The following PCDHGA7 variants were observed in gnomAD, a reference collection of about 807,000 sequenced individuals.
PCDHGA7 encodes the protein protocadherin gamma subfamily A, 7.
In PCDHGA7, 44 loss-of-function variants were observed where a neutral mutation model predicts 58.3. The ratio of observed to expected loss-of-function variants is 0.75; its 90% CI spans 0.59 to 0.97. The LOEUF is 0.97. Among genes scored for constraint, PCDHGA7 ranks in the 50% least tolerant of loss-of-function variants. The pLI is 0.00. For missense variants in PCDHGA7, 1,266 were observed against 1,188.7 expected, an observed-to-expected ratio of 1.06 and a Z score of -0.96; for synonymous variants, 516 against 504.2, an observed-to-expected ratio of 1.02 and a Z score of -0.31.
chr5:141,449,944 T>C (rs1375717746), intron 1 of PCDHGA7, among the ~76,000 whole-genome samples: 1 of 151,744 alleles, frequency 6.6e-6, no homozygotes, highest in Non-Finnish European at 1.5e-5. Flanking sequence ...TATATTTTAC[T>C]ATACCTCATA....
chr5:141,423,514 G>T (rs1208270970), intron 1 of PCDHGA7: 2 of 1,613,812 alleles, frequency 1.2e-6, no homozygotes, highest in Non-Finnish European at 1.7e-6. Flanking sequence ...TCTCATTGCG[G>T]ACTCGCAGAA....
intron 1 of PCDHGA7, among the ~76,000 whole-genome samples, chr5:141,452,803 A>G (rs1045171800): frequency 2.6e-5 from 4 of 152,186 alleles, no homozygotes; most frequent in African/African-American, 9.7e-5. Context: ...TTTTTGCTGT[A>G]GTTTGTTCAT....
intron 2 of PCDHGA7, among the ~76,000 whole-genome samples, chr5:141,498,411 C>T (rs747823234): frequency 2.0e-5 from 3 of 152,158 alleles, no homozygotes; most frequent in Non-Finnish European, 4.4e-5. Context: ...TTTCTCTTTG[C>T]TGGCACTGGA....
At chr5:141,501,318 C>T (rs1273608837) in intron 2 of PCDHGA7, among the ~76,000 whole-genome samples, 1 of 151,766 alleles carries the variant, frequency 6.6e-6, no homozygotes, top group African/African-American at 2.4e-5. Flanking sequence ...CACACACACA[C>T]ACACACACAC....
intron 1 of PCDHGA7, among the ~76,000 whole-genome samples, chr5:141,483,613 C>A (rs2099583607): frequency 6.6e-6 from 1 of 151,914 alleles, no homozygotes; most frequent in South Asian, 2.1e-4. Context: ...ACACCTCCAT[C>A]ATTCCCATGG....
At position 141,485,662 on chromosome 5, in the gene PCDHGA7, G is replaced by T. The variant is rs778404230; in HGVS notation, c.2425-9145G>T. ...AAAAGGCTCAGGATGCAGATGTGGG[G>T]AGCAATTCGATTAGCAGCTATAGGC... On this transcript the variant is annotated intron_variant, in intron 1 of 3. Coordinates refer to ENST00000518325, the MANE Select transcript of PCDHGA7 (RefSeq NM_018920.4). This position sits in a 1 kb window ranked among gnomAD's most constrained non-coding sequence, Gnocchi z 5.7. The T allele has an allele frequency of 1.1e-5, 18 of 1,612,748 alleles. No individual in the cohort carries two copies. The South Asian group carries it at 1.9e-4, about 17-fold the overall frequency.
chr5:141,437,938 A>G (rs1042890704), intron 1 of PCDHGA7, among the ~76,000 whole-genome samples: 4 of 152,132 alleles, frequency 2.6e-5, no homozygotes, highest in African/African-American at 9.7e-5. Flanking sequence ...GGGTTTCACC[A>G]TATTGGCCAG....
rs756423770 is a variant in PCDHGA7 at position 141,430,950 on chromosome 5, T to G, written c.2424+45627T>G. 8 of 1,609,862 alleles carry G rather than the reference T, an allele frequency of 5.0e-6. No individual in the cohort carries two copies. The East Asian group carries it at 1.6e-4, about 31-fold the overall frequency. On this transcript the variant is annotated intron_variant, in intron 1 of 3. Coordinates refer to ENST00000518325, the MANE Select transcript of PCDHGA7 (RefSeq NM_018920.4). ...CCCCGGGAGCTCGCGGAGCGCGGAG[T>G]CCGCATCATCCCCAGAGGTAGGACG...
At chr5:141,459,714 T>C (rs1240430980) in intron 1 of PCDHGA7, among the ~76,000 whole-genome samples, 4 of 152,244 alleles carry the variant, frequency 2.6e-5, no homozygotes, top group Admixed American at 6.5e-5. Flanking sequence ...TTCTCACCAA[T>C]GCTTCCTATT....
chr5:141,469,962 C>T (rs943032320), intron 1 of PCDHGA7, among the ~76,000 whole-genome samples: 8 of 152,134 alleles, frequency 5.3e-5, no homozygotes, highest in African/African-American at 1.9e-4. Flanking sequence ...GAAACCCCAT[C>T]TGTACCAAAA....
intron 1 of PCDHGA7, chr5:141,392,586 C>A: frequency 2.1e-6 from 1 of 478,230 alleles, no homozygotes; most frequent in Non-Finnish European, 3.7e-6. Flanking sequence ...GTAAGCGCCG[C>A]TGTTCACCTA....
chr5:141,409,165 G>T (rs2095233723), intron 1 of PCDHGA7: 1 of 1,613,886 alleles, frequency 6.2e-7, no homozygotes, highest in Admixed American at 1.7e-5. Flanking sequence ...AAGTGGAAGC[G>T]AAGGACGGAG....
In PCDHGA7 at chr5:141,500,452, G is replaced by A. The variant is rs554196222; in HGVS notation, c.2484-4941G>A. 2.6e-3 allele frequency among the ~76,000 whole-genome samples: 398 copies of A among 151,620 alleles called. 2 individuals carry two copies. The highest frequency in any genetic ancestry group is 0.021 in the South Asian group (99 of 4,798). On this transcript the variant is annotated intron_variant, in intron 2 of 3. Transcript: ENST00000518325. ...TCTCGATCTCCTGACCTCGTGATCC[G>A]CCCGCCTCGGCCTCCCAAAGTGCTG... is the stretch of plus-strand genomic sequence containing the variant.
chr5:141,421,054 A>G, intron 1 of PCDHGA7: 3 of 571,978 alleles, frequency 5.2e-6, no homozygotes, highest in Non-Finnish European at 9.0e-6. Context: ...CGCCTCTACC[A>G]CACAAAGCGG....
In PCDHGA7 at chr5:141,491,996, G is replaced by T; in HGVS notation, c.2425-2811G>T. ...TCCTTCGAGCTTCCGGTGAATTTCG[G>T]GCGATTTCCGCGGGTGTCGGGGGTC... is the stretch of plus-strand genomic sequence containing the variant. On this transcript the variant is annotated intron_variant, in intron 1 of 3. Coordinates refer to ENST00000518325, the MANE Select transcript of PCDHGA7 (RefSeq NM_018920.4). This position sits in a 1 kb window ranked among gnomAD's most constrained non-coding sequence, Gnocchi z 6.9. The T allele has an allele frequency of 2.9e-6, 2 of 686,328 alleles. No individual in the cohort carries two copies. Among genetic ancestry groups the T allele is most frequent in the Non-Finnish European group, 4.5e-6 (2 of 441,080 alleles). 42.5% of individuals were successfully genotyped at this position (686,328 alleles called of 1,614,324 possible). A position where few individuals can be genotyped will look rare whatever the true frequency, so the allele number is the denominator to read the frequency against.
In PCDHGA7 at chr5:141,398,692, A is replaced by G. The variant is rs150385715; in HGVS notation, c.2424+13369A>G. 1.9e-3 allele frequency: 3,041 copies of G among 1,613,942 alleles called. 6 individuals carry two copies. Among genetic ancestry groups the G allele is most frequent in the Non-Finnish European group, 2.3e-3 (2,760 of 1,179,898 alleles). On this transcript the variant is annotated intron_variant, in intron 1 of 3. Coordinates refer to ENST00000518325, the MANE Select transcript of PCDHGA7 (RefSeq NM_018920.4). The stretch of plus-strand genomic sequence containing the variant: ...AATAATTAAGGAGAAACAGGATGGT[A>G]GTAAATACCCGGAACTGGCACTGGA...
chr5:141,393,481 C>T, intron 1 of PCDHGA7: 1 of 1,614,066 alleles, frequency 6.2e-7, no homozygotes. Context: ...CCGCCTCGCT[C>T]TAGCACAGTG....
In PCDHGA7 at chr5:141,395,340, G is replaced by C. The variant is rs529007241; in HGVS notation, c.2424+10017G>C. 3 of 1,419,480 alleles carry C rather than the reference G, an allele frequency of 2.1e-6. No individual in the cohort carries two copies. In the African/African-American group the frequency reaches 4.3e-5, roughly 20 times the overall value. The allele number at this position is 1,419,480 out of a possible 1,614,324, so 87.9% of individuals were successfully genotyped here. On this transcript the variant is annotated intron_variant, in intron 1 of 3. Transcript: ENST00000518325. ...GAAGATAGTTGAAAATAATTTTTAA[G>C]GTGTATCACAGAGTTTTGGGTTTAT...
chr5:141,501,419 C>A (rs910783867), intron 2 of PCDHGA7, among the ~76,000 whole-genome samples: 1 of 151,920 alleles, frequency 6.6e-6, no homozygotes, highest in Non-Finnish European at 1.5e-5. Flanking sequence ...AAATAGTTGA[C>A]TAAATGTAGT....
Sources: gnomAD v4.1 joint callset for allele counts (sites outside exome capture counted in the v4.1 genomes callset) on GRCh38, gnomAD v4.1.1 for gene constraint, Gnocchi (gnomAD v3.1) non-coding constraint, MANE v1.5 for transcripts, NCBI Gene and HGNC (gene_info 2026-07-23, HGNC 2026-07-21) for gene names.